Variants in FAAH2 observed in about 807,000 individuals in gnomAD.
FAAH2 encodes fatty-acid amide hydrolase 2.
In FAAH2, 60 loss-of-function variants were observed where a neutral mutation model predicts 36.9. The observed-to-expected ratio is 1.63, with a 90% confidence interval of 1.32 to 2.02. The LOEUF is 2.02. Ranked by LOEUF, FAAH2 falls within the 30% of genes most tolerant of loss-of-function variation. The pLI is 0.00. For synonymous variants in FAAH2, 214 were observed against 143.8 expected, an observed-to-expected ratio of 1.49 and a Z score of -3.49; for missense variants, 689 against 397.5, an observed-to-expected ratio of 1.73 and a Z score of -6.23.
chrX:57,394,976 A>T (rs1297498329), intron 7 of FAAH2: 1 of 574,184 alleles, frequency 1.7e-6, no homozygotes, highest in Admixed American at 2.2e-5. Flanking sequence ...TCCTTTAGGC[A>T]TACAAGGAAT....
At chrX:57,390,002 T>C (rs1231597374) in intron 7 of FAAH2, among the ~76,000 whole-genome samples, 5 of 110,594 alleles carry the variant, frequency 4.5e-5, no homozygotes, top group Non-Finnish European at 9.5e-5. Flanking sequence ...TTTGAAGAAA[T>C]GTCTATTCAG....
At chrX:57,438,324 C>T (rs1472262197) in intron 8 of FAAH2, among the ~76,000 whole-genome samples, 1 of 105,839 alleles carries the variant, frequency 9.4e-6, no homozygotes, top group African/African-American at 3.4e-5. Context: ...AAGTAGATGA[C>T]ACAAATAAAT....
chrX:57,300,278 A>T (rs1033591117), intron 2 of FAAH2, among the ~76,000 whole-genome samples: 1 of 111,329 alleles, frequency 9.0e-6, no homozygotes, highest in African/African-American at 3.3e-5. Context: ...AATGGAACAA[A>T]ACAGAGCCCT....
the FAAH2 span, among the ~76,000 whole-genome samples, chrX:57,151,045 T>G: frequency 8.9e-6 from 1 of 112,144 alleles, no homozygotes; most frequent in Non-Finnish European, 1.9e-5. Flanking sequence ...GATATGAAAT[T>G]CTGGGTTGAA....
intron 3 of FAAH2, among the ~76,000 whole-genome samples, chrX:57,319,139 C>A (rs1286026095): frequency 8.9e-6 from 1 of 111,857 alleles, no homozygotes; most frequent in Non-Finnish European, 1.9e-5. Flanking sequence ...CTCACCACTC[C>A]TATTCAACAT....
upstream of FAAH2, among the ~76,000 whole-genome samples, chrX:57,285,260 C>T (rs1033756756): frequency 8.9e-6 from 1 of 111,784 alleles, no homozygotes; most frequent in Non-Finnish European, 1.9e-5. Flanking sequence ...AAGACAGTGA[C>T]CTGGATGACG....
Position 57,440,702 on chromosome X carries a change from A to G in FAAH2, c.1117-6226A>G, listed in dbSNP as rs1292188491. On this transcript the variant is annotated intron_variant, in intron 8 of 10. Transcript: ENST00000374900. The stretch of plus-strand genomic sequence containing the variant: ...GCCAGTTTTCAAAGGGAATGCTTCC[A>G]GTTTTTGCCCATTCAATATGACATT... Among the ~76,000 whole-genome samples the G allele has an allele frequency of 3.6e-5, 4 of 111,705 alleles. No homozygotes were observed. In the East Asian group the frequency reaches 1.1e-3, roughly 31 times the overall value.
chrX:57,313,531 G>GTT (rs2052754092), intron 3 of FAAH2, among the ~76,000 whole-genome samples: 1 of 110,452 alleles, frequency 9.1e-6, no homozygotes, highest in South Asian at 3.9e-4. Context: ...CATACAGAGA[G>GTT]TACTCCATCA....
At chrX:57,158,801 T>A in the FAAH2 span, among the ~76,000 whole-genome samples, 1 of 112,203 alleles carries the variant, frequency 8.9e-6, no homozygotes, top group Admixed American at 9.4e-5. Context: ...GGTTGCCTAT[T>A]CACTCTGATG....
At chrX:57,180,873 G>A in the FAAH2 span, among the ~76,000 whole-genome samples, 6 of 111,224 alleles carry the variant, frequency 5.4e-5, no homozygotes, top group African/African-American at 1.3e-4. Flanking sequence ...CATGAACATC[G>A]TTGCAAAAAT....
chrX:57,421,049 A>G (rs747249585), intron 7 of FAAH2, among the ~76,000 whole-genome samples: 1 of 112,203 alleles, frequency 8.9e-6, no homozygotes, highest in South Asian at 3.7e-4. Flanking sequence ...TCCCCTTCCC[A>G]GTACTCTTCC....
At chrX:57,189,753 T>C in the FAAH2 span, among the ~76,000 whole-genome samples, 7 of 111,736 alleles carry the variant, frequency 6.3e-5, no homozygotes, top group African/African-American at 2.3e-4. Context: ...TGCTCCTTCC[T>C]CTGGAAGCTT....
intron 5 of FAAH2, among the ~76,000 whole-genome samples, chrX:57,374,779 C>A (rs1005110171): frequency 9.0e-6 from 1 of 111,216 alleles, no homozygotes; most frequent in African/African-American, 3.3e-5. Context: ...GCATCCTTGT[C>A]TTGTTCCAGT....
chrX:57,278,663 A>G, the FAAH2 span, among the ~76,000 whole-genome samples: 1 of 111,912 alleles, frequency 8.9e-6, no homozygotes, highest in Non-Finnish European at 1.9e-5. Flanking sequence ...CATCAGAATG[A>G]ACTGGCAACC....
chrX:57,121,684 G>C, the FAAH2 span: 1 of 112,159 alleles, frequency 8.9e-6, no homozygotes, highest in East Asian at 2.8e-4. Context: ...CTCTGACTCC[G>C]CCTCTTTCCA....
chrX:57,333,858 GA>G (rs1275082791), intron 4 of FAAH2, among the ~76,000 whole-genome samples: 1 of 111,481 alleles, frequency 9.0e-6, no homozygotes, highest in African/African-American at 3.2e-5. Flanking sequence ...ATAAATGTTT[GA>G]AAAAAACTAC....
intron 7 of FAAH2, chrX:57,381,496 A>G (rs2054848779): frequency 1.6e-6 from 1 of 643,200 alleles, no homozygotes; most frequent in African/African-American, 2.4e-5. Context: ...GAACAGACCT[A>G]CCAAATTTTA....
intron 2 of FAAH2, among the ~76,000 whole-genome samples, chrX:57,306,690 T>TTGTGTG (rs758466450): frequency 2.9e-4 from 20 of 68,580 alleles, no homozygotes; most frequent in African/African-American, 1.1e-3. Flanking sequence ...TAGCAACATC[T>TTGTGTG]TGTGTGTGTG....
At position 57,471,823 on chromosome X, in the gene FAAH2, C is replaced by T. The variant is rs185175328; in HGVS notation, c.1424-16934C>T. Reference sequence around the variant, plus strand: ...CAAAAGAACAAAGCTGGAGGCATCACACTACCTGACTTCAAACTATACTAC... The same window carrying T: ...CAAAAGAACAAAGCTGGAGGCATCATACTACCTGACTTCAAACTATACTAC... On this transcript the variant is annotated intron_variant, in intron 10 of 10. Coordinates refer to ENST00000374900, the MANE Select transcript of FAAH2 (RefSeq NM_174912.4). Among the ~76,000 whole-genome samples, 688 of 111,845 alleles carry T rather than the reference C, an allele frequency of 6.2e-3. 6 individuals carry two copies. Among genetic ancestry groups the T allele is most frequent in the Middle Eastern group, 9.1e-3 (2 of 219 alleles).
Sources: gnomAD v4.1 joint callset for allele counts (sites outside exome capture counted in the v4.1 genomes callset) on GRCh38, gnomAD v4.1.1 for gene constraint, MANE v1.5 for transcripts, NCBI Gene and HGNC (gene_info 2026-07-23, HGNC 2026-07-21) for gene names.